SLC4A5: variants seen among roughly 807,000 people sequenced by gnomAD.
SLC4A5 encodes solute carrier family 4 member 5.
A neutral mutation model predicts 120.4 loss-of-function variants in SLC4A5; 96 were observed. The ratio of observed to expected loss-of-function variants is 0.80; its 90% confidence interval spans 0.68 to 0.94. The LOEUF (loss-of-function observed/expected upper bound fraction) is 0.94. SLC4A5 is among the 40% of genes least tolerant of loss of function. The probability of loss-of-function intolerance (pLI) is 0.00; values close to 1 mark genes in which losing one functional copy is unlikely to be tolerated. For missense variants in SLC4A5, 1,259 were observed against 1,459.5 expected (o/e 0.86, Z 2.24); for synonymous variants, 550 against 571.1 (o/e 0.96, Z 0.53).
intron 6 of SLC4A5, chr2:74,307,498 C>T: frequency 1.6e-6 from 1 of 617,838 alleles, no homozygotes; most frequent in Non-Finnish European, 3.1e-6. Flanking sequence ...TAGCGCATGG[C>T]CAGCTCTGTC....
chr2:74,331,229 G>A (rs1199182997), intron 4 of SLC4A5, among the ~76,000 whole-genome samples: 1 of 151,400 alleles, frequency 6.6e-6, no homozygotes, highest in Non-Finnish European at 1.5e-5. Flanking sequence ...TATAGGTGAG[G>A]GTGGTGAGGT....
In SLC4A5 at chr2:74,221,342, C is replaced by G; in HGVS notation, c.*33+92G>C. On this transcript the variant is annotated intron_variant, in intron 30 of 30. Transcript: ENST00000394019. ...CAGCAAGGGCCTTCTACTGAGAGGA[C>G]AGCTAGCTTGGGAAATCCTAGACCC... The G allele has an allele frequency of 3.2e-6, 3 of 946,460 alleles. No individual in the cohort carries two copies. In the South Asian group the frequency reaches 4.8e-5, roughly 15 times the overall value. 58.6% of individuals were successfully genotyped at this position (946,460 alleles called of 1,614,324 possible).
At chr2:74,236,257 A>G (rs1670265692) in intron 21 of SLC4A5, among the ~76,000 whole-genome samples, 2 of 152,224 alleles carry the variant, frequency 1.3e-5, no homozygotes, top group African/African-American at 4.8e-5. Flanking sequence ...ATCTATTGAT[A>G]AGAATTTACC....
intron 29 of SLC4A5, 121 bp downstream of exon 29, chr2:74,222,747 G>A (rs1694695762): frequency 5.7e-6 from 5 of 871,092 alleles, no homozygotes; most frequent in Non-Finnish European, 9.4e-6. Context: ...CAAAAAAGTT[G>A]GGGACTGCTG....
rs1166311295 is a variant in SLC4A5 at position 74,255,320 on chromosome 2, TCTTGCTCTGTTGC to T, written c.1025+442_1025+454del. ...TTTTTATTTTTTTTCTGAGACGCAG[TCTTGCTCTGTTGC>T]CCAGGCTGGGGTGCAATAGCATGAT... On this transcript the variant is annotated intron_variant, in intron 13 of 30. Transcript: ENST00000394019. The surrounding 1 kb of genome is among the most constrained non-coding windows in gnomAD (Gnocchi z 4.0). Among the ~76,000 whole-genome samples the T allele has an allele frequency of 6.6e-6, 1 of 152,182 alleles. No homozygotes were observed. Among genetic ancestry groups the T allele is most frequent in the Admixed American group, 6.5e-5 (1 of 15,284 alleles).
At chr2:74,267,263 T>G (rs1187786914) in intron 8 of SLC4A5, among the ~76,000 whole-genome samples, 1 of 152,166 alleles carries the variant, frequency 6.6e-6, no homozygotes, top group African/African-American at 2.4e-5. Flanking sequence ...ACATTCAGTG[T>G]GCATGCCTTT....
At chr2:74,287,914 T>G (rs528958681) in intron 7 of SLC4A5, among the ~76,000 whole-genome samples, 16 of 152,240 alleles carry the variant, frequency 1.1e-4, no homozygotes, top group Admixed American at 1.0e-3. Flanking sequence ...CCTGCTTGCC[T>G]TCTTCTTTCT....
intron 2 of SLC4A5, among the ~76,000 whole-genome samples, chr2:74,340,648 T>A (rs1310897118): frequency 6.6e-6 from 1 of 152,090 alleles, no homozygotes; most frequent in Non-Finnish European, 1.5e-5. Flanking sequence ...ACAGCAAGAA[T>A]CTGTAAAAGA....
intron 7 of SLC4A5, among the ~76,000 whole-genome samples, chr2:74,292,872 G>A (rs1019887228): frequency 4.6e-5 from 7 of 152,236 alleles, no homozygotes; most frequent in South Asian, 2.1e-4. Flanking sequence ...GTGGCTACAC[G>A]GTCAGCTTTG....
chr2:74,218,058 C>T (rs1038347483), exon 31 of SLC4A5: 4 of 152,252 alleles, frequency 2.6e-5, no homozygotes, highest in Non-Finnish European at 5.9e-5. Flanking sequence ...CCTGCCTCGG[C>T]CTCCCAAAGT....
chr2:74,321,550 G>A (rs989009702), intron 5 of SLC4A5, among the ~76,000 whole-genome samples: 1 of 152,000 alleles, frequency 6.6e-6, no homozygotes, highest in Non-Finnish European at 1.5e-5. Context: ...TGTTGACAAA[G>A]GTGACCCAGA....
intron 7 of SLC4A5, among the ~76,000 whole-genome samples, chr2:74,303,533 T>C (rs956473905): frequency 2.0e-5 from 3 of 152,194 alleles, no homozygotes; most frequent in African/African-American, 7.2e-5. Flanking sequence ...CACAGTAAAA[T>C]GTCACATTTG....
At chr2:74,326,775 C>T (rs1157755129) in intron 5 of SLC4A5, among the ~76,000 whole-genome samples, 2 of 152,084 alleles carry the variant, frequency 1.3e-5, no homozygotes, top group East Asian at 1.9e-4. Context: ...GCTGAGATGG[C>T]ACCACTGCAC....
intron 21 of SLC4A5, among the ~76,000 whole-genome samples, chr2:74,237,800 A>G (rs894670529): frequency 6.6e-6 from 1 of 152,120 alleles, no homozygotes; most frequent in African/African-American, 2.4e-5. Context: ...GTAGAAAATA[A>G]AATTTAAAAC....
At chr2:74,220,043 T>G (rs759771376) in intron 30 of SLC4A5, among the ~76,000 whole-genome samples, 9 of 152,248 alleles carry the variant, frequency 5.9e-5, no homozygotes, top group Non-Finnish European at 1.3e-4. Context: ...GCCTGGAGAT[T>G]GATCTTCTAG....
chr2:74,260,938 T>A (rs1671115091), intron 11 of SLC4A5, among the ~76,000 whole-genome samples: 2 of 152,200 alleles, frequency 1.3e-5, no homozygotes, highest in Non-Finnish European at 1.5e-5. Flanking sequence ...AATGTTTTTA[T>A]TTTCATAGCT....
In SLC4A5 at chr2:74,221,496, T is replaced by A. The variant is rs747859927; in HGVS notation, c.3337A>T (p.Arg1113Ter). ...AGTGAGTAACTCCAACTGGAAGATC[T>A]TTTTCCTGGCAGGAAAATGAAAAAT... Residue 1113 changes from arginine (R) to a stop codon, truncating the protein, a stop_gained, in exon 30 of 31, where the codon AGA becomes TGA. Transcript: ENST00000394019. LOFTEE classifies it high-confidence loss of function. The A allele has an allele frequency of 1.2e-6, 2 of 1,613,688 alleles. No individual in the cohort carries two copies. The highest frequency in any genetic ancestry group is 2.2e-5 in the South Asian group (2 of 91,074).
At chr2:74,318,686 A>G (rs1432313501) in intron 5 of SLC4A5, among the ~76,000 whole-genome samples, 1 of 148,574 alleles carries the variant, frequency 6.7e-6, no homozygotes, top group Non-Finnish European at 1.5e-5. Flanking sequence ...CTGTCTCACA[A>G]AAAAAAAAAA....
chr2:74,332,703 T>TTGTGTGTGTG (rs3834171), intron 4 of SLC4A5, among the ~76,000 whole-genome samples: 4,888 of 148,262 alleles, frequency 0.033, 271 homozygotes, highest in African/African-American at 0.11. Context: ...GGGTGTCCAT[T>TTGTGTGTGTG]TGTGTGTGTG....
Sources: allele counts gnomAD v4.1 joint callset (sites outside exome capture counted in the v4.1 genomes callset), GRCh38; gene constraint gnomAD v4.1.1; non-coding constraint Gnocchi (gnomAD v3.1); transcripts MANE v1.5; gene names NCBI Gene and HGNC (gene_info 2026-07-23, HGNC 2026-07-21).